Variants in MACROD2 observed in about 807,000 individuals in gnomAD.
MACROD2 encodes the protein mono-ADP ribosylhydrolase 2, also known as ADP-ribose glycohydrolase MACROD2.
In MACROD2, 36 loss-of-function variants were observed where a neutral mutation model predicts 70.4. The observed-to-expected ratio is 0.51, with a 90% confidence interval of 0.39 to 0.68. MACROD2 has a LOEUF of 0.68. Among genes scored for constraint, MACROD2 ranks in the 30% least tolerant of loss-of-function variants. The probability of loss-of-function intolerance (pLI) is 0.00; values close to 1 mark genes in which losing one functional copy is unlikely to be tolerated. For missense variants in MACROD2, 496 were observed against 538.4 expected (o/e 0.92, Z 0.78); for synonymous variants, 172 against 178.8 (o/e 0.96, Z 0.30).
intron 5 of MACROD2, among the ~76,000 whole-genome samples, chr20:15,003,425 G>A (rs993442335): frequency 1.3e-5 from 2 of 152,072 alleles, no homozygotes; most frequent in African/African-American, 2.4e-5. Flanking sequence ...CAAGCAGCCC[G>A]GTCTGGGAAA....
At chr20:15,208,094 G>T (rs2076727637) in intron 5 of MACROD2, among the ~76,000 whole-genome samples, 1 of 139,286 alleles carries the variant, frequency 7.2e-6, no homozygotes, top group East Asian at 2.0e-4. Flanking sequence ...TATTTTTTTT[G>T]ACGTTTGTTT....
chr20:15,443,058 C>A (rs73270991), intron 7 of MACROD2, among the ~76,000 whole-genome samples: 51 of 152,214 alleles, frequency 3.4e-4, no homozygotes, highest in African/African-American at 1.2e-3. Context: ...AAACTAAAAT[C>A]AATACATTGA....
At position 15,805,423 on chromosome 20, in the gene MACROD2, G is replaced by A. The variant is rs556083408; in HGVS notation, c.646-57322G>A. ...CTATTGTTATGGTTATCTAGGGGCA[G>A]GTAAAGAGAGGTTGGATTAGTGGAG... On this transcript the variant is annotated intron_variant, in intron 8 of 17. Coordinates refer to ENST00000684519, the MANE Select transcript of MACROD2 (RefSeq NM_001351661.2). Among the ~76,000 whole-genome samples the A allele has an allele frequency of 2.0e-5, 3 of 152,122 alleles. No individual in the cohort carries two copies. In the East Asian group the frequency reaches 5.8e-4, roughly 29 times the overall value.
chr20:14,629,188 C>T (rs554967081), intron 4 of MACROD2, among the ~76,000 whole-genome samples: 1 of 152,150 alleles, frequency 6.6e-6, no homozygotes, highest in South Asian at 2.1e-4. Context: ...GTATTTTTAA[C>T]TGCCGTTTTT....
At chr20:15,560,901 G>C (rs1182742929) in intron 8 of MACROD2, among the ~76,000 whole-genome samples, 1 of 151,704 alleles carries the variant, frequency 6.6e-6, no homozygotes, top group East Asian at 1.9e-4. Flanking sequence ...AATGGGTTGA[G>C]TAAAGGGGAA....
chr20:15,142,102 T>C (rs444907), intron 5 of MACROD2, among the ~76,000 whole-genome samples: 89,142 of 151,560 alleles, frequency 0.59, 26,313 homozygotes, highest in East Asian at 0.65. Flanking sequence ...ACTGTGTGCA[T>C]ACCTGTAGTA....
intron 6 of MACROD2, among the ~76,000 whole-genome samples, chr20:15,267,119 G>T (rs542363429): frequency 3.3e-5 from 5 of 152,194 alleles, no homozygotes; most frequent in Middle Eastern, 3.4e-3. Flanking sequence ...AAACCTCTAC[G>T]TCCTTCACGA....
chr20:14,633,280 T>C (rs1341319147), intron 4 of MACROD2, among the ~76,000 whole-genome samples: 1 of 152,236 alleles, frequency 6.6e-6, no homozygotes, highest in African/African-American at 2.4e-5. Context: ...TTTCCCCATC[T>C]CAGAATTCTT....
At chr20:15,029,665 CCACTT>C (rs2075259680) in intron 5 of MACROD2, among the ~76,000 whole-genome samples, 1 of 152,118 alleles carries the variant, frequency 6.6e-6, no homozygotes, top group Non-Finnish European at 1.5e-5. Flanking sequence ...ATAATGAAGA[CCACTT>C]CATTTCAGTT....
chr20:14,554,506 T>C (rs1343763470), intron 4 of MACROD2: 1 of 152,128 alleles, frequency 6.6e-6, no homozygotes, highest in Non-Finnish European at 1.5e-5. Context: ...ACTGGAATCA[T>C]TGTTTTGAGT....
chr20:15,471,040 A>C (rs1046251130), intron 7 of MACROD2, among the ~76,000 whole-genome samples: 1 of 152,196 alleles, frequency 6.6e-6, no homozygotes. Context: ...TGATTATATC[A>C]ACAATGGTCT....
chr20:15,972,523 A>G (rs935770098), intron 13 of MACROD2, among the ~76,000 whole-genome samples: 10 of 152,146 alleles, frequency 6.6e-5, no homozygotes, highest in African/African-American at 2.4e-4. Flanking sequence ...GATAAAGATA[A>G]ATCAGGCCAG....
At chr20:14,411,347 G>A (rs183725753) in intron 3 of MACROD2, among the ~76,000 whole-genome samples, 2 of 152,140 alleles carry the variant, frequency 1.3e-5, no homozygotes, top group Admixed American at 6.5e-5. Flanking sequence ...TCACCGGCAT[G>A]CTTTCACTCT....
intron 15 of MACROD2, among the ~76,000 whole-genome samples, chr20:16,038,368 T>C (rs1002790003): frequency 2.0e-5 from 3 of 151,958 alleles, no homozygotes. Flanking sequence ...TTACATAGGA[T>C]AAATCCTATC....
At chr20:15,368,090 G>A (rs541539229) in intron 6 of MACROD2, among the ~76,000 whole-genome samples, 1 of 152,128 alleles carries the variant, frequency 6.6e-6, no homozygotes, top group South Asian at 2.1e-4. Context: ...AGATGAAATT[G>A]TCATATGGAA....
Position 15,549,732 on chromosome 20 carries a change from C to T in MACROD2, c.645+49885C>T, listed in dbSNP as rs778284447. 4.6e-5 allele frequency among the ~76,000 whole-genome samples: 7 copies of T among 152,156 alleles called. No individual in the cohort carries two copies. The East Asian group carries it at 5.8e-4, about 13-fold the overall frequency. On this transcript the variant is annotated intron_variant, in intron 8 of 17. Coordinates refer to ENST00000684519, the MANE Select transcript of MACROD2 (RefSeq NM_001351661.2). ...TCGTCATATCCTATAATCGAAGCAG[C>T]TTCCTCTTGCATCTTCCTAAATTAC...
At chr20:15,142,365 A>G (rs919768433) in intron 5 of MACROD2, among the ~76,000 whole-genome samples, 2 of 152,128 alleles carry the variant, frequency 1.3e-5, no homozygotes, top group African/African-American at 4.8e-5. Context: ...AAAATTACCA[A>G]CCAATCGTTC....
At chr20:15,297,317 A>G (rs2077599571) in intron 6 of MACROD2, among the ~76,000 whole-genome samples, 2 of 152,214 alleles carry the variant, frequency 1.3e-5, no homozygotes, top group Admixed American at 6.5e-5. Flanking sequence ...ACCTGAGTCA[A>G]TTTCAGAATC....
chr20:14,924,732 C>A (rs2074208082), intron 5 of MACROD2, among the ~76,000 whole-genome samples: 1 of 152,106 alleles, frequency 6.6e-6, no homozygotes, highest in Non-Finnish European at 1.5e-5. Context: ...CTTTAAAAAA[C>A]ACTAGGATCT....
Sources: allele counts gnomAD v4.1 joint callset (sites outside exome capture counted in the v4.1 genomes callset), GRCh38; gene constraint gnomAD v4.1.1; transcripts MANE v1.5; gene names NCBI Gene and HGNC (gene_info 2026-07-23, HGNC 2026-07-21).